The following EXOC6 variants were observed in gnomAD, a reference collection of about 807,000 sequenced individuals.
The protein encoded by EXOC6 is SEC15-like 1.
In EXOC6, 60 loss-of-function variants were observed where a neutral mutation model predicts 112.5. That is an observed-to-expected ratio of 0.53 (90% CI 0.43 to 0.66). The LOEUF is 0.66. EXOC6 is among the 30% of genes least tolerant of loss of function. The probability of loss-of-function intolerance (pLI) is 0.00; values close to 1 mark genes in which losing one functional copy is unlikely to be tolerated. For missense variants in EXOC6, 855 were observed against 957.1 expected (o/e 0.89, Z 1.41); for synonymous variants, 295 against 308.0 (o/e 0.96, Z 0.44).
At chr10:93,041,394 A>G (rs761366814) in intron 20 of EXOC6, among the ~76,000 whole-genome samples, 6 of 151,920 alleles carry the variant, frequency 3.9e-5, no homozygotes, top group African/African-American at 7.3e-5. Flanking sequence ...TTGTTTGTTT[A>G]TTTATTTATT....
chr10:93,049,778 C>T (rs542298408), intron 20 of EXOC6, among the ~76,000 whole-genome samples: 32 of 152,224 alleles, frequency 2.1e-4, no homozygotes, highest in Non-Finnish European at 4.1e-4. Context: ...AGGGTCTCAC[C>T]GTGTTGCCCA....
chr10:92,940,870 A>G (rs79962888), intron 13 of EXOC6, 46 bp downstream of exon 13: 2 of 1,226,400 alleles, frequency 1.6e-6, no homozygotes, highest in Non-Finnish European at 2.4e-6. Flanking sequence ...ATGTTTGTCA[A>G]ATGCTCAAGT....
Position 92,897,466 on chromosome 10 carries a change from A to T in EXOC6, c.413-2133A>T, listed in dbSNP as rs141285708. ...CTGTGAAAGGAAAATAAATCTTGGG[A>T]CCCCAAAATCACTAAGCCAAGAAAA... On this transcript the variant is annotated intron_variant, in intron 4 of 21. Transcript: ENST00000260762. 2.1e-3 allele frequency among the ~76,000 whole-genome samples: 313 copies of T among 152,250 alleles called. 1 individual carries two copies. Among genetic ancestry groups the T allele is most frequent in the African/African-American group, 7.2e-3 (299 of 41,558 alleles).
intron 1 of EXOC6, among the ~76,000 whole-genome samples, chr10:92,885,704 T>G (rs1564800865): frequency 6.6e-6 from 1 of 152,184 alleles, no homozygotes; most frequent in Non-Finnish European, 1.5e-5. Context: ...TGATTTTGCA[T>G]CTGTACTTCT....
At chr10:93,041,422 C>CA (rs528895073) in intron 20 of EXOC6, among the ~76,000 whole-genome samples, 29 of 152,110 alleles carry the variant, frequency 1.9e-4, no homozygotes, top group Non-Finnish European at 4.0e-4. Flanking sequence ...GATGGAGTCT[C>CA]ACTCTGTTGC....
intron 1 of EXOC6, among the ~76,000 whole-genome samples, chr10:92,857,132 T>C (rs1847641691): frequency 1.3e-5 from 2 of 151,904 alleles, no homozygotes; most frequent in Non-Finnish European, 2.9e-5. Flanking sequence ...ACATCTGCTG[T>C]TTTTCTTGTG....
intron 19 of EXOC6, among the ~76,000 whole-genome samples, chr10:93,007,393 G>T (rs11591821): frequency 0.034 from 5,170 of 152,148 alleles, 125 homozygotes; most frequent in Non-Finnish European, 0.049. Flanking sequence ...GCTCACATCT[G>T]TAATCCCAGC....
chr10:92,861,509 C>A (rs926733826), intron 1 of EXOC6, among the ~76,000 whole-genome samples: 3 of 152,084 alleles, frequency 2.0e-5, no homozygotes, highest in African/African-American at 7.2e-5. Flanking sequence ...AAGAATGGAG[C>A]CCTTATTCTC....
At chr10:93,018,010 CAA>C (rs373643138) in intron 20 of EXOC6, among the ~76,000 whole-genome samples, 97 of 91,562 alleles carry the variant, frequency 1.1e-3, no homozygotes, top group African/African-American at 3.0e-3. Flanking sequence ...AACTCTGTCT[CAA>C]AAAAAAAAAA....
At chr10:92,878,461 C>T (rs113690354) in intron 1 of EXOC6, among the ~76,000 whole-genome samples, 51 of 152,200 alleles carry the variant, frequency 3.4e-4, no homozygotes, top group Middle Eastern at 3.4e-3. Flanking sequence ...GTGGACTTTC[C>T]GCATGCCCAG....
chr10:92,892,328 G>C (rs1461774972), intron 1 of EXOC6, among the ~76,000 whole-genome samples: 1 of 152,228 alleles, frequency 6.6e-6, no homozygotes, highest in Non-Finnish European at 1.5e-5. Flanking sequence ...TCCTTTCTCA[G>C]TGGAATTGTG....
intron 17 of EXOC6, among the ~76,000 whole-genome samples, chr10:92,967,377 A>G (rs1271682976): frequency 2.0e-5 from 3 of 152,088 alleles, no homozygotes; most frequent in Non-Finnish European, 2.9e-5. Flanking sequence ...AAAAATTTCT[A>G]GATATTTGGT....
intron 18 of EXOC6, among the ~76,000 whole-genome samples, chr10:92,993,989 T>C (rs1471839883): frequency 6.6e-6 from 1 of 152,234 alleles, no homozygotes; most frequent in Non-Finnish European, 1.5e-5. Flanking sequence ...CTGTCTTTGA[T>C]TGGCACAGCC....
rs1382403142 is a variant in EXOC6 at position 93,019,423 on chromosome 10, A to G, written c.2169+5156A>G. Among the ~76,000 whole-genome samples, 8 of 152,368 alleles carry G rather than the reference A, an allele frequency of 5.3e-5. No homozygotes were observed. The East Asian group carries it at 1.5e-3, about 29-fold the overall frequency. On this transcript the variant is annotated intron_variant, in intron 20 of 21. Transcript: ENST00000260762. ...AAATATACTTATGAACAAAATCAAA[A>G]CATTTACTTTTCTCTCTAGATGATT...
At chr10:93,049,318 C>T (rs1442305560) in intron 20 of EXOC6, among the ~76,000 whole-genome samples, 1 of 152,150 alleles carries the variant, frequency 6.6e-6, no homozygotes, top group Non-Finnish European at 1.5e-5. Flanking sequence ...TCCTTGGCCT[C>T]CCAAAGTGCT....
At position 92,949,270 on chromosome 10, in the gene EXOC6, A is replaced by ATGTAT. The variant is rs748679801; in HGVS notation, c.1416+891_1416+892insTGTAT. ...CTGTAAATTTTTGTTGTATTTTTAT[A>ATGTAT]CATAAACTAAGCATATTATGTGTAC... On this transcript the variant is annotated intron_variant, in intron 14 of 21. Coordinates refer to ENST00000260762, the MANE Select transcript of EXOC6 (RefSeq NM_019053.6). Among the ~76,000 whole-genome samples, 183 of 152,298 alleles carry ATGTAT rather than the reference A, an allele frequency of 1.2e-3. 1 individual carries two copies. The highest frequency in any genetic ancestry group is 2.2e-3 in the Non-Finnish European group (151 of 68,022).
intron 20 of EXOC6, among the ~76,000 whole-genome samples, chr10:93,018,957 G>A (rs185060705): frequency 5.2e-4 from 79 of 151,934 alleles, no homozygotes; most frequent in African/African-American, 1.9e-3. Context: ...AAAACTTCCA[G>A]GACTCTAATT....
chr10:92,951,399 A>T lies in EXOC6; in HGVS notation c.1417-874A>T, dbSNP rs555165669. Among the ~76,000 whole-genome samples the T allele has an allele frequency of 2.0e-5, 3 of 152,306 alleles. No individual in the cohort carries two copies. In the East Asian group the frequency reaches 5.8e-4, roughly 29 times the overall value. On this transcript the variant is annotated intron_variant, in intron 14 of 21. Coordinates refer to ENST00000260762, the MANE Select transcript of EXOC6 (RefSeq NM_019053.6). ...AGAGTAGGTAGAGAAAAAGGAGGAA[A>T]ACCAGTGTGGGCAGGAATCCAAGGA...
upstream of EXOC6, among the ~76,000 whole-genome samples, chr10:92,845,894 C>A (rs781219347): frequency 6.6e-6 from 1 of 152,232 alleles, no homozygotes; most frequent in African/African-American, 2.4e-5. Context: ...GCCAAGATCA[C>A]GCCATTGTTA....
Sources: allele counts gnomAD v4.1 joint callset (sites outside exome capture counted in the v4.1 genomes callset), GRCh38; gene constraint gnomAD v4.1.1; transcripts MANE v1.5; gene names NCBI Gene and HGNC (gene_info 2026-07-23, HGNC 2026-07-21).